Variants in FRMD1 observed in about 807,000 individuals in gnomAD.
The protein encoded by FRMD1 is FERM domain containing 1.
FRMD1 carries 51 observed loss-of-function variants against 54.9 expected under a neutral mutation model. The ratio of observed to expected loss-of-function variants is 0.93; its 90% CI spans 0.74 to 1.17. The LOEUF (loss-of-function observed/expected upper bound fraction) is 1.17, where lower values mean the gene tolerates loss of function less well. Among genes scored for constraint, FRMD1 ranks in the 50% most tolerant of loss-of-function variants. The pLI is 0.00. For missense variants in FRMD1, 729 were observed against 743.0 expected (o/e 0.98, Z 0.22); for synonymous variants, 324 against 306.4 (o/e 1.06, Z -0.60).
At chr6:168,090,558 C>T (rs1562437270) in intron 1 of FRMD1, among the ~76,000 whole-genome samples, 1 of 152,228 alleles carries the variant, frequency 6.6e-6, no homozygotes, top group African/African-American at 2.4e-5. Flanking sequence ...CATGGGGAGG[C>T]CTGTCGCAAG....
upstream of FRMD1, among the ~76,000 whole-genome samples, chr6:168,086,015 C>T (rs1300849048): frequency 6.6e-6 from 1 of 152,230 alleles, no homozygotes; most frequent in Non-Finnish European, 1.5e-5. Flanking sequence ...ATAGAATTCA[C>T]ACACATTAAA....
chr6:168,074,060 C>T (rs1257524411), intron 2 of FRMD1, among the ~76,000 whole-genome samples: 1 of 152,110 alleles, frequency 6.6e-6, no homozygotes, highest in Non-Finnish European at 1.5e-5. Context: ...ACCTCAAGCC[C>T]CCACTATAGA....
chr6:168,067,715 G>C (rs1291857360), intron 2 of FRMD1, among the ~76,000 whole-genome samples: 2 of 152,226 alleles, frequency 1.3e-5, no homozygotes, highest in Non-Finnish European at 2.9e-5. Context: ...CATGCTCCGG[G>C]CACGCCCTTT....
rs1446627631 is a variant in FRMD1, at chr6:168,063,602, T to C, written c.803A>G (p.Lys268Arg). 2 of 1,610,316 alleles carry C rather than the reference T, an allele frequency of 1.2e-6. No individual in the cohort carries two copies. Among genetic ancestry groups the C allele is most frequent in the Non-Finnish European group, 1.7e-6 (2 of 1,178,486 alleles). ...ATCGCTGGCCGCCCTGGGCTCGACCTTGTGCAGCCTGAAGAAGTGCACGGG... is the reference window on the plus strand; with the variant it reads ...ATCGCTGGCCGCCCTGGGCTCGACCCTGTGCAGCCTGAAGAAGTGCACGGG... ...DVPVHFFRLHKDKKEGRPTVI... is the reference protein window; with the variant it reads ...DVPVHFFRLHRDKKEGRPTVI... Residue 268 changes from lysine (K) to arginine (R), a missense_variant and splice_region_variant, in exon 6 of 11, where the codon AAG becomes AGG. Transcript: ENST00000283309.
At chr6:168,075,805 G>T in intron 1 of FRMD1, 3 of 1,549,994 alleles carry the variant, frequency 1.9e-6, no homozygotes, top group Non-Finnish European at 8.7e-7. Context: ...TCTCACGGCA[G>T]CCTCTAAACA....
At chr6:168,063,875 AGGG>A in intron 5 of FRMD1, 119 bp from the exon 6 acceptor site, 2 of 1,167,940 alleles carry the variant, frequency 1.7e-6, no homozygotes, top group Non-Finnish European at 2.3e-6. Flanking sequence ...CTCGGTGGGC[AGGG>A]CCAGGGCCTG....
rs1353622673 is a variant in FRMD1 at position 168,059,474 on chromosome 6, CTGG to C, written c.1343-289_1343-287del. The stretch of plus-strand genomic sequence containing the variant: ...AGAGATGGAGGCCAACCATCCCTTC[CTGG>C]TGGACCAGACACTCCAAGGGCAATG... On this transcript the variant is annotated intron_variant, in intron 9 of 10. Transcript: ENST00000283309. This position sits in a 1 kb window ranked among gnomAD's most constrained non-coding sequence, Gnocchi z 4.4. 6.6e-6 allele frequency among the ~76,000 whole-genome samples: 1 copy of C among 152,234 alleles called. No homozygotes were observed. The highest frequency in any genetic ancestry group is 1.5e-5 in the Non-Finnish European group (1 of 68,032).
chr6:168,066,788 A>C lies in FRMD1; in HGVS notation c.428T>G (p.Val143Gly). ...CCTTCCGTTTTCCACGTAGTGCTGC[A>C]CTCGGAGGAAGGCCACGAAGGGGGC... ...PRAPFVAFLR[V>G]QHYVENGRVI... Residue 143 changes from valine (V) to glycine (G), a missense_variant, in exon 4 of 11, where the codon GTG (valine) becomes GGG (glycine). Val to Gly is a moderately radical substitution (Grantham distance 109). Coordinates refer to ENST00000283309, the MANE Select transcript of FRMD1 (RefSeq NM_024919.6). 1 of 1,613,966 alleles carries C rather than the reference A, an allele frequency of 6.2e-7. No homozygotes were observed. The highest frequency in any genetic ancestry group is 8.5e-7 in the Non-Finnish European group (1 of 1,180,002).
chr6:168,074,064 C>T (rs1212942885), intron 2 of FRMD1, among the ~76,000 whole-genome samples: 1 of 152,148 alleles, frequency 6.6e-6, no homozygotes, highest in East Asian at 1.9e-4. Flanking sequence ...CAAGCCCCCA[C>T]TATAGATGAG....
intron 8 of FRMD1, 139 bp from the exon 9 acceptor site, chr6:168,061,196 C>T (rs1348323535): frequency 2.6e-5 from 21 of 807,836 alleles, no homozygotes; most frequent in South Asian, 5.5e-5. Flanking sequence ...ACCAGGCCTG[C>T]GGGTAAACGC....
At chr6:168,092,992 C>T (rs1801038915) in intron 1 of FRMD1, 1 of 152,240 alleles carries the variant, frequency 6.6e-6, no homozygotes, top group African/African-American at 2.4e-5. Context: ...GCTGGGGAAG[C>T]CTCACAATCG....
chr6:168,067,522 G>T, intron 2 of FRMD1, 76 bp from the exon 3 acceptor site: 1 of 873,424 alleles, frequency 1.1e-6, no homozygotes, highest in Non-Finnish European at 1.8e-6. Context: ...AAAACTGAGT[G>T]TGGCTTGGAG....
chr6:168,068,649 T>A (rs1213376091), intron 2 of FRMD1, among the ~76,000 whole-genome samples: 2 of 152,362 alleles, frequency 1.3e-5, no homozygotes, highest in East Asian at 3.9e-4. Context: ...AATCCAAGGA[T>A]GCGGAACCCG....
rs1449719461 is a variant in FRMD1 at position 168,059,677 on chromosome 6, A to G, written c.1343-489T>C. Among the ~76,000 whole-genome samples, 2 of 152,198 alleles carry G rather than the reference A, an allele frequency of 1.3e-5. No homozygotes were observed. The highest frequency in any genetic ancestry group is 3.9e-4 in the East Asian group (2 of 5,140). On this transcript the variant is annotated intron_variant, in intron 9 of 10. Transcript: ENST00000283309. This position sits in a 1 kb window ranked among gnomAD's most constrained non-coding sequence, Gnocchi z 4.4. ...CATCCACCGTCAGGGCCGTGGGGACACTCAGAGACCAGCAGAGCTCACGTC... is the reference window on the plus strand; with the variant it reads ...CATCCACCGTCAGGGCCGTGGGGACGCTCAGAGACCAGCAGAGCTCACGTC...
rs1005195690 is a variant in FRMD1, at chr6:168,062,106, G to C, written c.871-125C>G. ...GAGGCCCAGGTTTTCACTTCGCAGTGCAGATGGCTGTTGGCGGACACTGTG... is the reference window on the plus strand; with the variant it reads ...GAGGCCCAGGTTTTCACTTCGCAGTCCAGATGGCTGTTGGCGGACACTGTG... On this transcript the variant is annotated intron_variant, in intron 7 of 10. Transcript: ENST00000283309. 17 of 975,932 alleles carry C rather than the reference G, an allele frequency of 1.7e-5. No homozygotes were observed. The African/African-American group carries it at 2.1e-4, about 12-fold the overall frequency. 60.5% of individuals were successfully genotyped at this position (975,932 alleles called of 1,614,324 possible).
chr6:168,059,657 A>C lies in FRMD1; in HGVS notation c.1343-469T>G, dbSNP rs1257075858. ...GGTCCCACCTGATCTCATCACATCCACCGTCAGGGCCGTGGGGACACTCAG... is the reference window on the plus strand; with the variant it reads ...GGTCCCACCTGATCTCATCACATCCCCCGTCAGGGCCGTGGGGACACTCAG... On this transcript the variant is annotated intron_variant, in intron 9 of 10. Transcript: ENST00000283309. This position sits in a 1 kb window ranked among gnomAD's most constrained non-coding sequence, Gnocchi z 4.4. Among the ~76,000 whole-genome samples, 6 of 151,882 alleles carry C rather than the reference A, an allele frequency of 4.0e-5. No homozygotes were observed. In the East Asian group the frequency reaches 1.2e-3, roughly 30 times the overall value.
At chr6:168,062,115 T>C in intron 7 of FRMD1, 134 bp from the exon 8 acceptor site, 1 of 902,560 alleles carries the variant, frequency 1.1e-6, no homozygotes, top group Non-Finnish European at 1.7e-6. Flanking sequence ...TGCAGATGGC[T>C]GTTGGCGGAC....
chr6:168,078,532 AC>A (rs1800690980), intron 1 of FRMD1, among the ~76,000 whole-genome samples: 1 of 133,066 alleles, frequency 7.5e-6, no homozygotes, highest in Non-Finnish European at 1.6e-5. Flanking sequence ...ACCCCTGCTC[AC>A]CCCCACGGCC....
At chr6:168,060,101 G>A (rs371537340) in intron 9 of FRMD1, among the ~76,000 whole-genome samples, 118 of 82,752 alleles carry the variant, frequency 1.4e-3, no homozygotes, top group African/African-American at 5.1e-3. Context: ...TTAGGAGTGT[G>A]GGGGGGGCTT....
Sources: allele counts gnomAD v4.1 joint callset (sites outside exome capture counted in the v4.1 genomes callset), GRCh38; gene constraint gnomAD v4.1.1; non-coding constraint Gnocchi (gnomAD v3.1); transcripts MANE v1.5; gene names NCBI Gene and HGNC (gene_info 2026-07-23, HGNC 2026-07-21).